COL18A1: variants seen among roughly 807,000 people sequenced by gnomAD.
COL18A1 encodes the protein collagen type XVIII alpha 1 chain.
Under a neutral mutation model 168.0 loss-of-function variants are expected in COL18A1, and 133 were observed. That is an observed-to-expected ratio of 0.79 (90% CI 0.69 to 0.91). The LOEUF (loss-of-function observed/expected upper bound fraction) is 0.91. COL18A1 is among the 40% of genes least tolerant of loss of function. The probability of loss-of-function intolerance (pLI) is 0.00; values close to 1 mark genes in which losing one functional copy is unlikely to be tolerated. For missense variants in COL18A1, 2,126 were observed against 1,925.4 expected, an observed-to-expected ratio of 1.10 and a Z score of -1.95; for synonymous variants, 949 against 809.0, an observed-to-expected ratio of 1.17 and a Z score of -2.94.
chr21:45,476,699 T>G (rs1448532849), intron 6 of COL18A1, among the ~76,000 whole-genome samples: 5 of 151,178 alleles, frequency 3.3e-5, no homozygotes, highest in Non-Finnish European at 7.4e-5. Flanking sequence ...TGTGTGATGT[T>G]TATGTGATGT....
At chr21:45,415,772 C>T (rs1819568221) in intron 2 of COL18A1, among the ~76,000 whole-genome samples, 1 of 152,230 alleles carries the variant, frequency 6.6e-6, no homozygotes, top group Non-Finnish European at 1.5e-5. Flanking sequence ...GCCATCCAGC[C>T]CAGTGCCTGG....
chr21:45,467,915 C>T (rs2035272409), intron 2 of COL18A1, among the ~76,000 whole-genome samples: 1 of 152,242 alleles, frequency 6.6e-6, no homozygotes, highest in Non-Finnish European at 1.5e-5. Context: ...CTGTGGACAC[C>T]ATGTCTGCTG....
chr21:45,406,168 G>C (rs1196487082), intron 2 of COL18A1, among the ~76,000 whole-genome samples: 1 of 152,182 alleles, frequency 6.6e-6, no homozygotes, highest in Non-Finnish European at 1.5e-5. Context: ...CCTGCTAACC[G>C]GGGCCTCCTG....
At chr21:45,505,009 A>T in intron 34 of COL18A1, 125 bp from the exon 35 acceptor site, 1 of 1,228,478 alleles carries the variant, frequency 8.1e-7, no homozygotes, top group Non-Finnish European at 1.2e-6. Flanking sequence ...GTGGGCAGGG[A>T]GGGGACCGGT....
At chr21:45,479,852 G>A (rs779214669) in intron 9 of COL18A1, 50 bp from the exon 10 acceptor site, 117 of 1,611,096 alleles carry the variant, frequency 7.3e-5, no homozygotes, top group Non-Finnish European at 8.3e-5. Context: ...TGCTGGGTGC[G>A]GCCCATGGTG....
chr21:45,509,662 G>A, intron 39 of COL18A1, 61 bp downstream of exon 39: 2 of 925,170 alleles, frequency 2.2e-6, no homozygotes, highest in Non-Finnish European at 3.4e-6. Flanking sequence ...GGCAGCAGAA[G>A]AGGGCCCAGC....
intron 2 of COL18A1, among the ~76,000 whole-genome samples, chr21:45,406,360 AG>A (rs1220110820): frequency 2.0e-5 from 3 of 152,188 alleles, no homozygotes; most frequent in African/African-American, 7.2e-5. Flanking sequence ...GAAGCAGGAA[AG>A]GGGGAGGGAG....
intron 6 of COL18A1, 110 bp from the exon 7 acceptor site, chr21:45,477,301 G>A (rs1165789122): frequency 3.2e-5 from 26 of 814,892 alleles, no homozygotes; most frequent in Middle Eastern, 3.3e-4. Context: ...GTGTCCAGCC[G>A]GGCTCCAGGA....
At chr21:45,503,829 C>T (rs1411212715) in intron 32 of COL18A1, 182 bp from the exon 33 acceptor site, 4 of 428,468 alleles carry the variant, frequency 9.3e-6, no homozygotes, top group African/African-American at 6.2e-5. Flanking sequence ...AATAAAAAGG[C>T]ACCATTAACA....
At chr21:45,504,302 C>T (rs748894066) in intron 33 of COL18A1, 114 bp from the exon 34 acceptor site, 72 of 1,115,512 alleles carry the variant, frequency 6.5e-5, no homozygotes, top group Non-Finnish European at 9.0e-5. Context: ...CAGCAGCTCC[C>T]AGGCCTGGGC....
Position 45,471,093 on chromosome 21 carries a change from G to A in COL18A1, c.651+2307G>A, listed in dbSNP as rs981883323. On this transcript the variant is annotated intron_variant, in intron 3 of 41. Coordinates refer to ENST00000651438, the MANE Select transcript of COL18A1 (RefSeq NM_001379500.1). The surrounding 1 kb of genome is among the most constrained non-coding windows in gnomAD (Gnocchi z 4.4). ...GCTGGGCCTGGGTGGCGCGCTACGG[G>A]CCGTGTGCTGCTGGGCCTGGGTGGC... Among the ~76,000 whole-genome samples the A allele has an allele frequency of 7.6e-6, 1 of 132,446 alleles. No homozygotes were observed. Among genetic ancestry groups the A allele is most frequent in the Non-Finnish European group, 1.8e-5 (1 of 55,394 alleles). The allele number at this position is 132,446 out of a possible 152,430, so 86.9% of individuals were successfully genotyped here. A position where few individuals can be genotyped will look rare whatever the true frequency, so the allele number is the denominator to read the frequency against.
intron 2 of COL18A1, among the ~76,000 whole-genome samples, chr21:45,440,606 C>T (rs541289344): frequency 6.6e-6 from 1 of 151,232 alleles, no homozygotes; most frequent in African/African-American, 2.4e-5. Context: ...CAGTCGGGGC[C>T]TGCTGGGGTT....
Position 45,507,610 on chromosome 21 carries a change from CT to C in COL18A1, c.3249+18del. On this transcript the variant is annotated intron_variant, in intron 38 of 41. Coordinates refer to ENST00000651438, the MANE Select transcript of COL18A1 (RefSeq NM_001379500.1). ...CGAGGGACGGTAAGGAGCCTTTTTT[CT>C]GTTGAGACTGGTGGGTGGTCAGGAC... 1 of 1,611,824 alleles carries C rather than the reference CT, an allele frequency of 6.2e-7. No individual in the cohort carries two copies. The highest frequency in any genetic ancestry group is 1.1e-5 in the South Asian group (1 of 90,972).
intron 26 of COL18A1, 87 bp downstream of exon 26, chr21:45,493,662 G>T (rs1484610835): frequency 2.0e-6 from 2 of 983,224 alleles, no homozygotes; most frequent in Non-Finnish European, 3.1e-6. Context: ...TGAGGGTCTG[G>T]CTCCTGATGC....
intron 2 of COL18A1, chr21:45,467,184 G>A: frequency 1.0e-6 from 1 of 954,796 alleles, no homozygotes; most frequent in Non-Finnish European, 1.2e-6. Flanking sequence ...CCCTTGAGTG[G>A]GTGCTGCCCC....
At chr21:45,507,081 G>C (rs1017224876) in intron 37 of COL18A1, 3 of 350,734 alleles carry the variant, frequency 8.6e-6, no homozygotes, top group Middle Eastern at 1.9e-3. Flanking sequence ...TGGGTGCTGG[G>C]CAGGGAGGGC....
At chr21:45,464,950 C>A (rs947199333) in intron 2 of COL18A1, among the ~76,000 whole-genome samples, 1 of 152,194 alleles carries the variant, frequency 6.6e-6, no homozygotes, top group East Asian at 1.9e-4. Flanking sequence ...ACAGTTTGTC[C>A]ATGTGCACGG....
rs1029341468 is a variant in COL18A1 at position 45,474,983 on chromosome 21, G to A, written c.739-493G>A. 9.9e-5 allele frequency among the ~76,000 whole-genome samples: 15 copies of A among 152,254 alleles called. 1 individual carries two copies. The highest frequency in any genetic ancestry group is 1.5e-5 in the Non-Finnish European group (1 of 67,994). ...GGGTGCGGGGGGTCGCCGAGGCGCC[G>A]CACCCCTCCCCTGGCCTGTCTTGCC... On this transcript the variant is annotated intron_variant, in intron 4 of 41. Transcript: ENST00000651438.
intron 2 of COL18A1, among the ~76,000 whole-genome samples, chr21:45,438,210 ACACACACT>A (rs796870906): frequency 1.6e-4 from 18 of 114,922 alleles, no homozygotes; most frequent in Non-Finnish European, 2.9e-4. Context: ...TCTCCTGCAC[ACACACACT>A]CACACACTCA....
Sources: allele counts gnomAD v4.1 joint callset (sites outside exome capture counted in the v4.1 genomes callset), GRCh38; gene constraint gnomAD v4.1.1; non-coding constraint Gnocchi (gnomAD v3.1); transcripts MANE v1.5; gene names NCBI Gene and HGNC (gene_info 2026-07-23, HGNC 2026-07-21).